UGT3A2: variants seen among roughly 807,000 people sequenced by gnomAD.
UGT3A2 encodes the protein UDP-glycosyltransferase 3A2.
Under a neutral mutation model 39.8 loss-of-function variants are expected in UGT3A2, and 32 were observed. The observed-to-expected ratio is 0.80, with a 90% CI of 0.61 to 1.08. The LOEUF (loss-of-function observed/expected upper bound fraction) is 1.08. UGT3A2 is among the 50% of genes least tolerant of loss of function. The probability of loss-of-function intolerance (pLI) is 0.00; values close to 1 mark genes in which losing one functional copy is unlikely to be tolerated. For synonymous variants in UGT3A2, 241 were observed against 230.7 expected, an observed-to-expected ratio of 1.04 and a Z score of -0.40; for missense variants, 611 against 637.1, an observed-to-expected ratio of 0.96 and a Z score of 0.44.
rs1431922581 is a variant in UGT3A2, at chr5:36,039,714, G to T, written c.844-6C>A. ...GCAATGAAGTTCTCCAAGTCCTGGA[G>T]AAAGATTACCAAGGTAAAGAGGTGA... On this transcript the variant is annotated splice_region_variant and splice_polypyrimidine_tract_variant and intron_variant, in intron 4 of 6. Coordinates refer to ENST00000282507, the MANE Select transcript of UGT3A2 (RefSeq NM_174914.4). The T allele has an allele frequency of 6.2e-7, 1 of 1,613,446 alleles. No homozygotes were observed. The highest frequency in any genetic ancestry group is 8.5e-7 in the Non-Finnish European group (1 of 1,179,552).
intron 1 of UGT3A2, among the ~76,000 whole-genome samples, chr5:36,065,841 C>T (rs1055368455): frequency 6.6e-6 from 1 of 152,100 alleles, no homozygotes; most frequent in African/African-American, 2.4e-5. Flanking sequence ...TGGTTCTTCC[C>T]AGCCCTACGA....
intron 2 of UGT3A2, among the ~76,000 whole-genome samples, chr5:36,058,858 A>G (rs1451147252): frequency 6.6e-6 from 1 of 152,220 alleles, no homozygotes; most frequent in Non-Finnish European, 1.5e-5. Flanking sequence ...AGTAACAAGT[A>G]GTAATTGTGG....
At chr5:36,064,668 C>T (rs1314387541) in intron 1 of UGT3A2, among the ~76,000 whole-genome samples, 2 of 152,164 alleles carry the variant, frequency 1.3e-5, no homozygotes, top group Non-Finnish European at 2.9e-5. Context: ...TATATTTTAA[C>T]TAAGGCCTTA....
At chr5:36,054,295 T>G (rs1460189596) in intron 2 of UGT3A2, among the ~76,000 whole-genome samples, 2 of 152,158 alleles carry the variant, frequency 1.3e-5, no homozygotes, top group Non-Finnish European at 2.9e-5. Flanking sequence ...ACATTCATAA[T>G]TATAGGAATT....
At chr5:36,036,751 G>A (rs1325927766) in intron 6 of UGT3A2, among the ~76,000 whole-genome samples, 1 of 152,198 alleles carries the variant, frequency 6.6e-6, no homozygotes, top group East Asian at 1.9e-4. Flanking sequence ...TGAGCTACGT[G>A]GTTGTTTTAA....
At chr5:36,036,846 T>C (rs777215540) in intron 6 of UGT3A2, among the ~76,000 whole-genome samples, 3 of 152,230 alleles carry the variant, frequency 2.0e-5, no homozygotes, top group Admixed American at 6.5e-5. Context: ...GAAACTCTAA[T>C]AAATTATTCA....
At chr5:36,054,206 T>A (rs1025471209) in intron 2 of UGT3A2, among the ~76,000 whole-genome samples, 1 of 152,214 alleles carries the variant, frequency 6.6e-6, no homozygotes, top group East Asian at 1.9e-4. Context: ...GGGTAATCCA[T>A]GATAGTCTCC....
chr5:36,044,560 T>C (rs766993236), intron 4 of UGT3A2, among the ~76,000 whole-genome samples: 3 of 152,164 alleles, frequency 2.0e-5, no homozygotes, highest in Non-Finnish European at 2.9e-5. Flanking sequence ...GCAAATTATA[T>C]AATCTTATAT....
At position 36,039,645 on chromosome 5, in the gene UGT3A2, T is replaced by G. The variant is rs765917890; in HGVS notation, c.907A>C (p.Met303Leu). The part of the protein sequence containing the change: ...SGFVLVTLGS[M>L]VNTCQNPEIF... Reference sequence around the variant, plus strand: ...TCCGGATTCTGACAGGTGTTCACCATGGAGCCCAAGGTCACAAGGACAAAA... The same window carrying G: ...TCCGGATTCTGACAGGTGTTCACCAGGGAGCCCAAGGTCACAAGGACAAAA... Residue 303 changes from methionine (M) to leucine (L), a missense_variant, in exon 5 of 7, where the codon ATG becomes CTG. Transcript: ENST00000282507. 6.2e-7 allele frequency: 1 copy of G among 1,614,090 alleles called. No homozygotes were observed. The highest frequency in any genetic ancestry group is 8.5e-7 in the Non-Finnish European group (1 of 1,180,046).
chr5:36,062,463 C>A (rs1742737424), intron 2 of UGT3A2, among the ~76,000 whole-genome samples: 1 of 151,976 alleles, frequency 6.6e-6, no homozygotes, highest in Non-Finnish European at 1.5e-5. Flanking sequence ...CTACGTATGG[C>A]TAGCCAGTTT....
Position 36,066,850 on chromosome 5 carries a change from G to T in UGT3A2, c.-61C>A. ...GCTGCGCGCCCTGCGCCCGGCTAAG[G>T]GACCCTGTGCACCTCAGTGCGCCAA... On this transcript the variant is annotated 5_prime_UTR_variant, in exon 1 of 7. Transcript: ENST00000282507. 1 of 1,603,720 alleles carries T rather than the reference G, an allele frequency of 6.2e-7. No homozygotes were observed. Among genetic ancestry groups the T allele is most frequent in the South Asian group, 1.1e-5 (1 of 90,832 alleles).
At position 36,058,362 on chromosome 5, in the gene UGT3A2, G is replaced by A. The variant is rs139261913; in HGVS notation, c.196+5887C>T. On this transcript the variant is annotated intron_variant, in intron 2 of 6. Coordinates refer to ENST00000282507, the MANE Select transcript of UGT3A2 (RefSeq NM_174914.4). The stretch of plus-strand genomic sequence containing the variant: ...TAGAATATGGTTATCAGGGGCTGAA[G>A]GTGGAGGGTAATGGGGCGTTGTTGG... Among the ~76,000 whole-genome samples, 191 of 152,326 alleles carry A rather than the reference G, an allele frequency of 1.3e-3. 2 individuals are homozygous for A. In the East Asian group the frequency reaches 0.035, roughly 28 times the overall value.
At position 36,054,022 on chromosome 5, in the gene UGT3A2, T is replaced by C. The variant is rs1216675203; in HGVS notation, c.197-2038A>G. On this transcript the variant is annotated intron_variant, in intron 2 of 6. Coordinates refer to ENST00000282507, the MANE Select transcript of UGT3A2 (RefSeq NM_174914.4). The stretch of plus-strand genomic sequence containing the variant: ...CACACATAAAATACAGTAACACTAA[T>C]GATAGCTAATGAGCTAAAAAGAAAT... Among the ~76,000 whole-genome samples the C allele has an allele frequency of 2.0e-5, 3 of 152,192 alleles. No homozygotes were observed. The East Asian group carries it at 5.8e-4, about 29-fold the overall frequency.
At position 36,035,457 on chromosome 5, in the gene UGT3A2, G is replaced by A; in HGVS notation, c.*241C>T. ...GAATCACAGCATAGCCCTTGCTGAT[G>A]GCAAACAAAGGAGGACAAGAGGACT... On this transcript the variant is annotated 3_prime_UTR_variant, in exon 7 of 7. Transcript: ENST00000282507. 1 of 547,220 alleles carries A rather than the reference G, an allele frequency of 1.8e-6. No homozygotes were observed. Among genetic ancestry groups the A allele is most frequent in the Non-Finnish European group, 3.2e-6 (1 of 312,674 alleles). The allele number at this position is 547,220 out of a possible 1,614,324, so 33.9% of individuals were successfully genotyped here.
Position 36,049,275 on chromosome 5 carries a change from G to A in UGT3A2, c.457C>T (p.Leu153=). 6.2e-7 allele frequency: 1 copy of A among 1,614,134 alleles called. No individual in the cohort carries two copies. Among genetic ancestry groups the A allele is most frequent in the African/African-American group, 1.3e-5 (1 of 75,030 alleles). Reference sequence around the variant, plus strand: ...GGCTTCCCAAGCTTCTCAGCAATCAGGAAAGGACAGTAGTCAAAAGTTTCA... The same window carrying A: ...GGCTTCCCAAGCTTCTCAGCAATCAAGAAAGGACAGTAGTCAAAAGTTTCA... ...IVETFDYCPF[L]IAEKLGKPFV... Residue 153 remains leucine, a synonymous_variant, in exon 4 of 7, where the codon CTG becomes TTG. Coordinates refer to ENST00000282507, the MANE Select transcript of UGT3A2 (RefSeq NM_174914.4).
At chr5:36,042,968 G>A (rs940546282) in intron 4 of UGT3A2, among the ~76,000 whole-genome samples, 25 of 151,928 alleles carry the variant, frequency 1.6e-4, no homozygotes, top group African/African-American at 5.3e-4. Context: ...AGCATTGGAC[G>A]CATCATCCAG....
intron 2 of UGT3A2, among the ~76,000 whole-genome samples, chr5:36,058,276 G>A (rs1742576283): frequency 6.6e-6 from 1 of 152,084 alleles, no homozygotes; most frequent in Admixed American, 6.6e-5. Context: ...AGACACAAAA[G>A]GACAAATATT....
chr5:36,045,361 T>A (rs1026887684), intron 4 of UGT3A2, among the ~76,000 whole-genome samples: 9 of 152,126 alleles, frequency 5.9e-5, no homozygotes, highest in African/African-American at 2.2e-4. Flanking sequence ...TCTAACACTT[T>A]GGGAGGCTGA....
chr5:36,049,096 C>T lies in UGT3A2; in HGVS notation c.636G>A (p.Arg212=), dbSNP rs1342559061. 6.2e-7 allele frequency: 1 copy of T among 1,614,188 alleles called. No homozygotes were observed. Among genetic ancestry groups the T allele is most frequent in the Admixed American group, 1.7e-5 (1 of 60,012 alleles). Residue 212 remains arginine, a synonymous_variant, in exon 4 of 7, where the codon AGG becomes AGA. Coordinates refer to ENST00000282507, the MANE Select transcript of UGT3A2 (RefSeq NM_174914.4). ...ATGTAGACTGCATGTGCTGTTGCCTCCTGCAGAAACTAAAGAACATCAGAA... is the reference window on the plus strand; with the variant it reads ...ATGTAGACTGCATGTGCTGTTGCCTTCTGCAGAAACTAAAGAACATCAGAA... ...KNFLMFFSFC[R]RQQHMQSTFD... is the part of the protein sequence containing the mutation.
Sources: allele counts gnomAD v4.1 joint callset (sites outside exome capture counted in the v4.1 genomes callset), GRCh38; gene constraint gnomAD v4.1.1; transcripts MANE v1.5; gene names NCBI Gene and HGNC (gene_info 2026-07-23, HGNC 2026-07-21).